The following HDAC7 variants were observed in gnomAD, a reference collection of about 807,000 sequenced individuals.
HDAC7 encodes histone deacetylase 7, also known as histone deacetylase 7A.
Under a neutral mutation model 115.5 loss-of-function variants are expected in HDAC7, and 26 were observed. The observed-to-expected ratio is 0.23, with a 90% CI of 0.16 to 0.31. The LOEUF is 0.31. Ranked by LOEUF, HDAC7 falls within the 10% of genes least tolerant of loss-of-function variation. The probability of loss-of-function intolerance (pLI) is 1.00; values close to 1 mark genes in which losing one functional copy is unlikely to be tolerated. For synonymous variants in HDAC7, 564 were observed against 550.9 expected, an observed-to-expected ratio of 1.02 and a Z score of -0.33; for missense variants, 1,068 against 1,329.0, an observed-to-expected ratio of 0.80 and a Z score of 3.05.
At chr12:47,815,522 C>T (rs1327918731) in intron 1 of HDAC7, among the ~76,000 whole-genome samples, 1 of 152,230 alleles carries the variant, frequency 6.6e-6, no homozygotes, top group Admixed American at 6.5e-5. Context: ...CACAGCCTTG[C>T]CCCAGGATCA....
chr12:47,796,185 C>T (rs1031338217), intron 8 of HDAC7, 22 bp downstream of exon 8: 1 of 1,592,702 alleles, frequency 6.3e-7, no homozygotes, highest in Non-Finnish European at 8.5e-7. Context: ...CCCAGGAGAG[C>T]CCAGTCTCGG....
chr12:47,798,349 C>A lies in HDAC7; in HGVS notation c.350-130G>T. 1.2e-6 allele frequency: 1 copy of A among 838,562 alleles called. No homozygotes were observed. The highest frequency in any genetic ancestry group is 2.0e-6 in the Non-Finnish European group (1 of 511,202). 51.9% of individuals were successfully genotyped at this position (838,562 alleles called of 1,614,324 possible). A position where few individuals can be genotyped will look rare whatever the true frequency, so the allele number is the denominator to read the frequency against. ...GGACTCCCTAGGCAAGAGCCAAGCC[C>A]GAGGCCCTACCCCTCCCTAGAGCCT... On this transcript the variant is annotated intron_variant, in intron 4 of 25. Coordinates refer to ENST00000080059, the MANE Select transcript of HDAC7 (RefSeq NM_015401.5). This position sits in a 1 kb window ranked among gnomAD's most constrained non-coding sequence, Gnocchi z 4.3.
chr12:47,816,357 C>T (rs1944849683), intron 1 of HDAC7, among the ~76,000 whole-genome samples: 1 of 152,094 alleles, frequency 6.6e-6, no homozygotes, highest in Admixed American at 6.5e-5. Flanking sequence ...CATGTCCATA[C>T]ATATGGACAT....
Position 47,788,148 on chromosome 12 carries a change from T to G in HDAC7, c.2252A>C (p.Asn751Thr). 1 of 1,611,722 alleles carries G rather than the reference T, an allele frequency of 6.2e-7. No individual in the cohort carries two copies. Among genetic ancestry groups the G allele is most frequent in the Non-Finnish European group, 8.5e-7 (1 of 1,178,742 alleles). The change falls in exon 20 of 26, where the codon AAC becomes ACC. Residue 751 changes from asparagine (N) to threonine (T), a missense_variant. Around this residue, in one of 6 missense-constraint regions of HDAC7, gnomAD observed 182 missense variants for 301.1 expected, o/e 0.60. Coordinates refer to ENST00000080059, the MANE Select transcript of HDAC7 (RefSeq NM_015401.5). ...TTGGTAGAAGGTTTGCTGGGTGCCG[T>G]TGCCATGGTGCACGTCCTGTGTAGG... ...LIVDWDVHHGNGTQQTFYQDP... is the reference protein window; with the variant it reads ...LIVDWDVHHGTGTQQTFYQDP...
chr12:47,785,920 G>T (rs1409458679), intron 22 of HDAC7, 35 bp from the exon 23 acceptor site: 1 of 1,550,226 alleles, frequency 6.5e-7, no homozygotes, highest in South Asian at 1.2e-5. Flanking sequence ...GGAGGGGCGG[G>T]AGTGGAGAGG....
chr12:47,798,640 T>C lies in HDAC7; in HGVS notation c.271A>G (p.Thr91Ala). ...SVEPMRLSMDTPMPELQVGPQ... is the reference protein window; with the variant it reads ...SVEPMRLSMDAPMPELQVGPQ... ...CCCACCTGCAACTCGGGCATCGGCGTGTCCATGGAGAGCTGTGGGCAGGGC... is the reference window on the plus strand; with the variant it reads ...CCCACCTGCAACTCGGGCATCGGCGCGTCCATGGAGAGCTGTGGGCAGGGC... Residue 91 changes from threonine (T) to alanine (A), a missense_variant, in exon 4 of 26, where the codon ACG (threonine) becomes GCG (alanine). Coordinates refer to ENST00000080059, the MANE Select transcript of HDAC7 (RefSeq NM_015401.5). This position sits in a 1 kb window ranked among gnomAD's most constrained non-coding sequence, Gnocchi z 4.3. 3 of 1,613,474 alleles carry C rather than the reference T, an allele frequency of 1.9e-6. No homozygotes were observed. The highest frequency in any genetic ancestry group is 2.5e-6 in the Non-Finnish European group (3 of 1,179,716).
At chr12:47,794,304 G>A (rs1342661060) in intron 12 of HDAC7, among the ~76,000 whole-genome samples, 1 of 152,242 alleles carries the variant, frequency 6.6e-6, no homozygotes, top group Non-Finnish European at 1.5e-5. Flanking sequence ...GATGGTAAAT[G>A]CCTGCTGTTT....
At position 47,812,868 on chromosome 12, in the gene HDAC7, T is replaced by C. The variant is rs1223914118; in HGVS notation, c.19+6899A>G. 6 of 152,208 alleles carry C rather than the reference T, an allele frequency of 3.9e-5. No homozygotes were observed. In the East Asian group the frequency reaches 1.2e-3, roughly 29 times the overall value. The allele number at this position is 152,208 out of a possible 1,614,324, so 9.4% of individuals were successfully genotyped here. A position where few individuals can be genotyped will look rare whatever the true frequency, so the allele number is the denominator to read the frequency against. ...AGAATGGCACATTTCTTCCCTATTA[T>C]CACACGATGCCCCTGGCTCACTCTC... On this transcript the variant is annotated intron_variant, in intron 1 of 25. Coordinates refer to ENST00000080059, the MANE Select transcript of HDAC7 (RefSeq NM_015401.5).
rs113345081 is a variant in HDAC7 at position 47,793,250 on chromosome 12, G to T, written c.1678+119C>A. ...CATGTGCTCCATGGGTACTACGTGG[G>T]CCTAACAAGGCTAAGCACTCTGTGG... On this transcript the variant is annotated intron_variant, in intron 13 of 25. Transcript: ENST00000080059. This position sits in a 1 kb window ranked among gnomAD's most constrained non-coding sequence, Gnocchi z 4.5. 2.0e-4 allele frequency: 147 copies of T among 731,696 alleles called. No homozygotes were observed. The Middle Eastern group carries it at 2.4e-3, about 12-fold the overall frequency. The allele number at this position is 731,696 out of a possible 1,614,324, so 45.3% of individuals were successfully genotyped here. A position where few individuals can be genotyped will look rare whatever the true frequency, so the allele number is the denominator to read the frequency against.
In HDAC7 at chr12:47,791,054, G is replaced by T. The variant is rs542541236; in HGVS notation, c.1983+205C>A. ...TAGGGGAAGGCTTAGGCTGGACTCC[G>T]CATTCGGGGGAGACTGTGGGTCCGA... On this transcript the variant is annotated intron_variant, in intron 16 of 25. Transcript: ENST00000080059. 3 of 615,224 alleles carry T rather than the reference G, an allele frequency of 4.9e-6. No individual in the cohort carries two copies. The South Asian group carries it at 5.8e-5, about 12-fold the overall frequency. 38.1% of individuals were successfully genotyped at this position (615,224 alleles called of 1,614,324 possible).
intron 1 of HDAC7, among the ~76,000 whole-genome samples, chr12:47,818,750 T>C (rs1452458891): frequency 2.0e-5 from 3 of 152,276 alleles, no homozygotes; most frequent in Non-Finnish European, 2.9e-5. Flanking sequence ...GCAGGGAGCG[T>C]TGGCAGCGAG....
chr12:47,791,865 C>G lies in HDAC7; in HGVS notation c.1812+6G>C, dbSNP rs370675194. On this transcript the variant is annotated splice_donor_region_variant and intron_variant, in intron 14 of 25. Coordinates refer to ENST00000080059, the MANE Select transcript of HDAC7 (RefSeq NM_015401.5). ...CATTCCTCGGGCCCCACCCGCGCCT[C>G]CTCACCTCACACTGGCTCCGGAGCC... is the stretch of plus-strand genomic sequence containing the variant. The G allele has an allele frequency of 2.2e-5, 35 of 1,610,974 alleles. No homozygotes were observed. Among genetic ancestry groups the G allele is most frequent in the Non-Finnish European group, 2.7e-5 (32 of 1,179,476 alleles).
chr12:47,795,771 G>A lies in HDAC7; in HGVS notation c.907-4C>T, dbSNP rs1330986043. On this transcript the variant is annotated splice_region_variant and splice_polypyrimidine_tract_variant and intron_variant, in intron 9 of 25. Transcript: ENST00000080059. This position sits in a 1 kb window ranked among gnomAD's most constrained non-coding sequence, Gnocchi z 4.3. The stretch of plus-strand genomic sequence containing the variant: ...GGGTCCTGCGGTCACTGTCAGCCTG[G>A]GGGAGAGGCGGGAGAAGTCACGGGG... The A allele has an allele frequency of 3.3e-6, 5 of 1,523,080 alleles. No individual in the cohort carries two copies. In the South Asian group the frequency reaches 6.3e-5, roughly 19 times the overall value. The allele number at this position is 1,523,080 out of a possible 1,614,324, so 94.3% of individuals were successfully genotyped here.
At position 47,795,825 on chromosome 12, in the gene HDAC7, A is replaced by G. The variant is rs1943795784; in HGVS notation, c.907-58T>C. On this transcript the variant is annotated intron_variant, in intron 9 of 25. Coordinates refer to ENST00000080059, the MANE Select transcript of HDAC7 (RefSeq NM_015401.5). The surrounding 1 kb of genome is among the most constrained non-coding windows in gnomAD (Gnocchi z 4.3). ...AAGATTCCAGCAGAGAACAATGAAG[A>G]TGATGGGGTGAGGCAGCAAGAAAAG... 3 of 1,474,172 alleles carry G rather than the reference A, an allele frequency of 2.0e-6. No individual in the cohort carries two copies. The highest frequency in any genetic ancestry group is 2.7e-6 in the Non-Finnish European group (3 of 1,098,798). 91.3% of individuals were successfully genotyped at this position (1,474,172 alleles called of 1,614,324 possible).
chr12:47,786,691 C>T lies in HDAC7; in HGVS notation c.2466G>A (p.Met822Ile), dbSNP rs758927136. The change falls in exon 22 of 26, where the codon ATG becomes ATA. Residue 822 changes from methionine (M) to isoleucine (I), a missense_variant. Met to Ile is a conservative substitution (Grantham distance 10). This residue lies in a region of HDAC7 where 182 missense variants were observed against 301.1 expected (regional missense o/e 0.60). Coordinates refer to ENST00000080059, the MANE Select transcript of HDAC7 (RefSeq NM_015401.5). Reference protein sequence around the residue: ...EYLAAFRIVVMPIAREFSPDL... With the variant: ...EYLAAFRIVVIPIAREFSPDL... ...CTGGAGAGAACTCTCGGGCGATGGG[C>T]ATCACGACTATCCTGTGAGGTCACA... 5 of 1,613,372 alleles carry T rather than the reference C, an allele frequency of 3.1e-6. No homozygotes were observed. The highest frequency in any genetic ancestry group is 4.2e-6 in the Non-Finnish European group (5 of 1,179,460).
Position 47,789,842 on chromosome 12 carries a change from C to T in HDAC7, c.2062G>A (p.Ala688Thr), listed in dbSNP as rs200392191. ...RWAAGSVTDL[A>T]FKVASRELKN... The stretch of plus-strand genomic sequence containing the variant: ...AGCTCACGAGAAGCCACTTTGAAGG[C>T]GAGGTCAGTGACACTGCCAGCGGCC... The change falls in exon 17 of 26, where the codon GCC becomes ACC. Residue 688 changes from alanine to threonine, a missense_variant. This residue lies in a region of HDAC7 where 182 missense variants were observed against 301.1 expected (regional missense o/e 0.60). Coordinates refer to ENST00000080059, the MANE Select transcript of HDAC7 (RefSeq NM_015401.5). The T allele has an allele frequency of 1.9e-5, 30 of 1,613,812 alleles. No homozygotes were observed. Among genetic ancestry groups the T allele is most frequent in the Non-Finnish European group, 2.2e-5 (26 of 1,179,964 alleles).
rs752191845 is a variant in HDAC7, at chr12:47,795,565, C to G, written c.1087+22G>C. 26 of 1,551,770 alleles carry G rather than the reference C, an allele frequency of 1.7e-5. No homozygotes were observed. Among genetic ancestry groups the G allele is most frequent in the Non-Finnish European group, 7.0e-6 (8 of 1,148,416 alleles). On this transcript the variant is annotated intron_variant, in intron 10 of 25. Transcript: ENST00000080059. The surrounding 1 kb of genome is among the most constrained non-coding windows in gnomAD (Gnocchi z 4.3). The stretch of plus-strand genomic sequence containing the variant: ...CAGGGTGCAGGGACCCAGCCCCTTC[C>G]CTGAAGAAGCAGCAGACTCACCAGT...
chr12:47,816,032 CA>C, intron 1 of HDAC7, among the ~76,000 whole-genome samples: 1 of 151,890 alleles, frequency 6.6e-6, no homozygotes, highest in South Asian at 2.1e-4. Flanking sequence ...GCTGGGATTA[CA>C]GGCGCGCACG....
chr12:47,815,382 G>C (rs11168250), intron 1 of HDAC7, among the ~76,000 whole-genome samples: 2 of 152,228 alleles, frequency 1.3e-5, no homozygotes, highest in South Asian at 4.1e-4. Context: ...ACAGGTCTTA[G>C]AAGCCTTGAG....
Sources: gnomAD v4.1 joint callset for allele counts (sites outside exome capture counted in the v4.1 genomes callset) on GRCh38, gnomAD v4.1.1 for gene constraint, gnomAD v4.1.1 regional missense constraint, Gnocchi (gnomAD v3.1) non-coding constraint, MANE v1.5 for transcripts, NCBI Gene and HGNC (gene_info 2026-07-23, HGNC 2026-07-21) for gene names.